The following GASK1A variants were observed in gnomAD, a reference collection of about 807,000 sequenced individuals.
The protein encoded by GASK1A is Golgi-associated kinase 1A.
A neutral mutation model predicts 41.2 loss-of-function variants in GASK1A; 40 were observed. The ratio of observed to expected loss-of-function variants is 0.97; its 90% CI spans 0.75 to 1.27. GASK1A has a LOEUF of 1.27. Ranked by LOEUF, GASK1A falls within the 50% of genes most tolerant of loss-of-function variation. GASK1A has a pLI of 0.00. For missense variants in GASK1A, 678 were observed against 745.1 expected, an observed-to-expected ratio of 0.91 and a Z score of 1.05; for synonymous variants, 316 against 307.1, an observed-to-expected ratio of 1.03 and a Z score of -0.30.
intron 1 of GASK1A, among the ~76,000 whole-genome samples, chr3:42,999,546 A>G (rs2089397536): frequency 1.3e-5 from 2 of 152,342 alleles, no homozygotes; most frequent in South Asian, 4.1e-4. Context: ...TGAGGTGGGC[A>G]TGCTGGGCCT....
chr3:43,017,958 T>G (rs1270938855), intron 1 of GASK1A, among the ~76,000 whole-genome samples: 3 of 151,300 alleles, frequency 2.0e-5, no homozygotes, highest in Non-Finnish European at 4.4e-5. Context: ...GAAGATTCAG[T>G]GTGATGTCAC....
intron 1 of GASK1A, among the ~76,000 whole-genome samples, chr3:43,023,200 AGAG>A (rs2089530400): frequency 6.6e-6 from 1 of 152,222 alleles, no homozygotes; most frequent in South Asian, 2.1e-4. Context: ...CACAAACAAA[AGAG>A]GAGACCATGG....
At chr3:42,999,247 G>A (rs892388650) in intron 1 of GASK1A, among the ~76,000 whole-genome samples, 13 of 152,286 alleles carry the variant, frequency 8.5e-5, no homozygotes, top group Admixed American at 3.9e-4. Flanking sequence ...AAGGCAATGC[G>A]TGCATTGTTG....
chr3:42,993,546 T>TA (rs1367100610), intron 1 of GASK1A, among the ~76,000 whole-genome samples: 1 of 152,136 alleles, frequency 6.6e-6, no homozygotes, highest in Non-Finnish European at 1.5e-5. Context: ...TTTTATACAA[T>TA]AAAAAACGCA....
At chr3:43,011,876 G>GC (rs1470510370) in intron 1 of GASK1A, among the ~76,000 whole-genome samples, 1 of 152,004 alleles carries the variant, frequency 6.6e-6, no homozygotes, top group Non-Finnish European at 1.5e-5. Flanking sequence ...CAAGGAAGGG[G>GC]CTGTGTGAAG....
intron 1 of GASK1A, among the ~76,000 whole-genome samples, chr3:43,005,749 G>A (rs2089432777): frequency 6.6e-6 from 1 of 152,230 alleles, no homozygotes; most frequent in Non-Finnish European, 1.5e-5. Flanking sequence ...TCTGCTATCT[G>A]TGAAATTGTC....
chr3:42,986,974 C>T (rs1163303464), intron 1 of GASK1A, among the ~76,000 whole-genome samples: 1 of 152,176 alleles, frequency 6.6e-6, no homozygotes, highest in African/African-American at 2.4e-5. Context: ...GGCCTTCCTC[C>T]TTTCTCTTCA....
intron 2 of GASK1A, among the ~76,000 whole-genome samples, chr3:43,053,224 C>T (rs2089699182): frequency 6.6e-6 from 1 of 152,238 alleles, no homozygotes; most frequent in Non-Finnish European, 1.5e-5. Flanking sequence ...CATTCAGAGC[C>T]TCAGAGGTGC....
At chr3:43,014,147 T>G (rs1365871078) in intron 1 of GASK1A, among the ~76,000 whole-genome samples, 20 of 106,080 alleles carry the variant, frequency 1.9e-4, no homozygotes, top group African/African-American at 3.5e-4. Context: ...GGGGGAGTGT[T>G]AAACCACAGG....
chr3:43,000,139 C>T (rs1353185600), intron 1 of GASK1A, among the ~76,000 whole-genome samples: 5 of 152,160 alleles, frequency 3.3e-5, no homozygotes, highest in African/African-American at 1.2e-4. Context: ...CAGGGGTTGT[C>T]CAGGCTCTGT....
chr3:43,036,502 C>T (rs13095711), intron 2 of GASK1A, among the ~76,000 whole-genome samples: 78,699 of 151,938 alleles, frequency 0.52, 21,684 homozygotes, highest in South Asian at 0.7. Context: ...ACACAAGCAC[C>T]GCACACATGC....
At chr3:43,038,921 G>C (rs2089619850) in intron 2 of GASK1A, among the ~76,000 whole-genome samples, 1 of 151,994 alleles carries the variant, frequency 6.6e-6, no homozygotes, top group Non-Finnish European at 1.5e-5. Flanking sequence ...TGTTGGGTTT[G>C]ATTGACTGTC....
At chr3:42,995,558 C>G (rs527995386) in intron 1 of GASK1A, among the ~76,000 whole-genome samples, 1 of 152,336 alleles carries the variant, frequency 6.6e-6, no homozygotes, top group East Asian at 1.9e-4. Flanking sequence ...TTTATAAACT[C>G]TCCTCTAGGT....
At chr3:43,015,325 G>A (rs950799886) in intron 1 of GASK1A, among the ~76,000 whole-genome samples, 1 of 148,476 alleles carries the variant, frequency 6.7e-6, no homozygotes, top group Non-Finnish European at 1.5e-5. Context: ...GGCTTGTGAG[G>A]TCACAGGAAG....
chr3:42,997,438 G>GC (rs71072751), intron 1 of GASK1A, among the ~76,000 whole-genome samples: 16 of 132,582 alleles, frequency 1.2e-4, no homozygotes, highest in East Asian at 5.1e-4. Context: ...GACAGAGAGA[G>GC]GGGGGGGGGA....
At chr3:42,998,908 G>C (rs181203800) in intron 1 of GASK1A, among the ~76,000 whole-genome samples, 3 of 152,094 alleles carry the variant, frequency 2.0e-5, no homozygotes. Flanking sequence ...GATTCACAGC[G>C]TGAGAAAAGC....
chr3:42,992,990 T>C (rs574997504), intron 1 of GASK1A, among the ~76,000 whole-genome samples: 1 of 152,270 alleles, frequency 6.6e-6, no homozygotes, highest in South Asian at 2.1e-4. Context: ...AGTCTATGAG[T>C]GGTTGAAGTA....
intron 1 of GASK1A, among the ~76,000 whole-genome samples, chr3:43,029,512 G>A (rs1426332532): frequency 6.6e-6 from 1 of 152,096 alleles, no homozygotes; most frequent in Non-Finnish European, 1.5e-5. Context: ...GGGTATTGGG[G>A]GAAGTGAGGC....
At position 42,997,856 on chromosome 3, in the gene GASK1A, G is replaced by A. The variant is rs1341712364; in HGVS notation, c.3+18211G>A. On this transcript the variant is annotated intron_variant, in intron 1 of 4. Coordinates refer to ENST00000430121, the MANE Select transcript of GASK1A (RefSeq NM_001129908.3). ...CAGTACGGAGGGAGGAAGTGAGACA[G>A]GGAAGGCAGCCAGTGCAGGGTGCAT... Among the ~76,000 whole-genome samples the A allele has an allele frequency of 2.0e-5, 3 of 152,330 alleles. No homozygotes were observed. In the East Asian group the frequency reaches 5.8e-4, roughly 29 times the overall value.
Sources: gnomAD v4.1 joint callset for allele counts (sites outside exome capture counted in the v4.1 genomes callset) on GRCh38, gnomAD v4.1.1 for gene constraint, MANE v1.5 for transcripts, NCBI Gene and HGNC (gene_info 2026-07-23, HGNC 2026-07-21) for gene names.